Variants in MYO5A observed in about 807,000 individuals in gnomAD.
MYO5A encodes the protein unconventional myosin-Va.
In MYO5A, 98 loss-of-function variants were observed where a neutral mutation model predicts 249.7. The ratio of observed to expected loss-of-function variants is 0.39; its 90% CI spans 0.33 to 0.46. The LOEUF (loss-of-function observed/expected upper bound fraction) is 0.46. MYO5A is among the 20% of genes least tolerant of loss of function. The pLI, the probability that MYO5A is intolerant of heterozygous loss-of-function variation, is 0.98. For synonymous variants in MYO5A, 778 were observed against 810.6 expected, an observed-to-expected ratio of 0.96 and a Z score of 0.68; for missense variants, 1,696 against 2,308.8, an observed-to-expected ratio of 0.73 and a Z score of 5.44.
intron 34 of MYO5A, among the ~76,000 whole-genome samples, chr15:52,333,198 A>ATTT (rs1343758972): frequency 3.3e-5 from 5 of 152,200 alleles, no homozygotes; most frequent in African/African-American, 1.2e-4. Flanking sequence ...TTATAGCAGC[A>ATTT]CAAAGGGACT....
chr15:52,365,376 G>A (rs2040756227), intron 23 of MYO5A, among the ~76,000 whole-genome samples: 1 of 152,142 alleles, frequency 6.6e-6, no homozygotes, highest in Non-Finnish European at 1.5e-5. Flanking sequence ...TTGTGGCTGT[G>A]GTTTGCTTTT....
At chr15:52,321,012 CA>C (rs202041721) in intron 38 of MYO5A, among the ~76,000 whole-genome samples, 1,345 of 89,074 alleles carry the variant, frequency 0.015, 9 homozygotes, top group Middle Eastern at 0.044. Context: ...GACTCTGTCT[CA>C]AAAAAAAAAA....
intron 1 of MYO5A, among the ~76,000 whole-genome samples, chr15:52,490,790 C>A (rs950264827): frequency 1.3e-5 from 2 of 152,120 alleles, no homozygotes; most frequent in Non-Finnish European, 2.9e-5. Flanking sequence ...GTGATGATCA[C>A]AGCTCACTGC....
chr15:52,381,761 GTGTCTC>G (rs1225252541), intron 16 of MYO5A, among the ~76,000 whole-genome samples: 3 of 143,592 alleles, frequency 2.1e-5, no homozygotes, highest in Admixed American at 7.0e-5. Context: ...CCCTCCTTTT[GTGTCTC>G]TCTCTCTCTC....
intron 4 of MYO5A, among the ~76,000 whole-genome samples, chr15:52,419,483 T>C (rs2043684655): frequency 6.6e-6 from 1 of 152,204 alleles, no homozygotes; most frequent in African/African-American, 2.4e-5. Flanking sequence ...GTCTCTCTGA[T>C]TCCTACTTTT....
intron 1 of MYO5A, among the ~76,000 whole-genome samples, chr15:52,452,288 C>T (rs540689767): frequency 6.6e-6 from 1 of 152,256 alleles, no homozygotes; most frequent in South Asian, 2.1e-4. Context: ...ATCAATGACG[C>T]AGCTCCACCA....
At chr15:52,381,206 G>C (rs1008572561) in intron 16 of MYO5A, among the ~76,000 whole-genome samples, 1 of 151,912 alleles carries the variant, frequency 6.6e-6, no homozygotes, top group East Asian at 1.9e-4. Context: ...GTGGAAGAGC[G>C]GGTTGGTTGA....
At chr15:52,322,559 A>C (rs896481903) in intron 37 of MYO5A, among the ~76,000 whole-genome samples, 2 of 152,340 alleles carry the variant, frequency 1.3e-5, no homozygotes, top group East Asian at 1.9e-4. Context: ...CCTCACAGAG[A>C]TGCTGTAAGA....
chr15:52,420,529 T>A (rs777782475), intron 4 of MYO5A, among the ~76,000 whole-genome samples: 1 of 152,120 alleles, frequency 6.6e-6, no homozygotes, highest in Non-Finnish European at 1.5e-5. Flanking sequence ...CCTATCAACC[T>A]TGCTCTTTCT....
chr15:52,421,825 G>C (rs577155874), intron 4 of MYO5A, among the ~76,000 whole-genome samples: 1 of 152,206 alleles, frequency 6.6e-6, no homozygotes, highest in East Asian at 1.9e-4. Flanking sequence ...AGGGAGACCA[G>C]GAGATTTGAG....
chr15:52,441,226 A>G (rs977039538), intron 1 of MYO5A, among the ~76,000 whole-genome samples: 2 of 152,210 alleles, frequency 1.3e-5, no homozygotes, highest in Admixed American at 1.3e-4. Context: ...TTATTAAAGA[A>G]ACTAGGAAAT....
chr15:52,511,252 T>C (rs1448019792), intron 1 of MYO5A, among the ~76,000 whole-genome samples: 2 of 152,266 alleles, frequency 1.3e-5, no homozygotes, highest in Non-Finnish European at 2.9e-5. Context: ...ACATTTCAGT[T>C]GTAAACTCAT....
In MYO5A at chr15:52,314,133, C is replaced by T. The variant is rs1338876084; in HGVS notation, c.5480G>A (p.Arg1827His). 5.6e-6 allele frequency: 9 copies of T among 1,607,918 alleles called. No homozygotes were observed. Among genetic ancestry groups the T allele is most frequent in the South Asian group, 3.3e-5 (3 of 90,948 alleles). Reference sequence around the variant, plus strand: ...GATGGGAGCTCTTACCTGTATAGTACGAATGAACGACACAGAGACTCTTTC... The same window carrying T: ...GATGGGAGCTCTTACCTGTATAGTATGAATGAACGACACAGAGACTCTTTC... ...FEERVSVSFI[R>H]TIQMRLRDRK... The change falls in exon 41 of 42, where the codon CGT (arginine) becomes CAT (histidine). Residue 1827 changes from arginine to histidine, a missense_variant. Arg to His is a conservative substitution (Grantham distance 29). Coordinates refer to ENST00000399233, the MANE Select transcript of MYO5A (RefSeq NM_001382347.1).
At chr15:52,414,569 A>T (rs1268568080) in intron 5 of MYO5A, among the ~76,000 whole-genome samples, 1 of 152,178 alleles carries the variant, frequency 6.6e-6, no homozygotes, top group African/African-American at 2.4e-5. Context: ...GACAACTTCA[A>T]ATCCTAGTAT....
At chr15:52,328,138 T>C in intron 35 of MYO5A, 132 bp from the exon 36 acceptor site, 2 of 731,726 alleles carry the variant, frequency 2.7e-6, no homozygotes, top group Non-Finnish European at 4.5e-6. Context: ...AAAAAGTGTA[T>C]TTTAATAGCT....
At chr15:52,486,417 C>G (rs937133808) in intron 1 of MYO5A, among the ~76,000 whole-genome samples, 9 of 152,194 alleles carry the variant, frequency 5.9e-5, no homozygotes, top group African/African-American at 2.2e-4. Context: ...TGTCTGGCCC[C>G]GACTTTCATT....
chr15:52,333,992 T>C (rs1038076374), intron 34 of MYO5A, among the ~76,000 whole-genome samples: 9 of 152,222 alleles, frequency 5.9e-5, no homozygotes, highest in African/African-American at 2.2e-4. Context: ...TAGATATGTA[T>C]CACTTAACTC....
At chr15:52,323,774 C>T (rs2038445449) in intron 36 of MYO5A, 2 of 318,386 alleles carry the variant, frequency 6.3e-6, no homozygotes, top group South Asian at 2.8e-5. Flanking sequence ...GAGGCCGAGG[C>T]AGATGGATTG....
chr15:52,370,549 T>C, intron 21 of MYO5A, 132 bp from the exon 22 acceptor site: 2 of 931,570 alleles, frequency 2.1e-6, no homozygotes, highest in South Asian at 1.5e-5. Context: ...ACCAAAATAC[T>C]ACAACATTTG....
Sources: gnomAD v4.1 joint callset for allele counts (sites outside exome capture counted in the v4.1 genomes callset) on GRCh38, gnomAD v4.1.1 for gene constraint, MANE v1.5 for transcripts, NCBI Gene and HGNC (gene_info 2026-07-23, HGNC 2026-07-21) for gene names.